Variants in ADAMTS12 observed in about 807,000 individuals in gnomAD.
ADAMTS12 encodes ADAM metallopeptidase with thrombospondin type 1 motif 12, also known as A disintegrin and metalloproteinase with thrombospondin motifs 12.
A neutral mutation model predicts 167.8 loss-of-function variants in ADAMTS12; 118 were observed. The observed-to-expected ratio is 0.70, with a 90% CI of 0.61 to 0.82. The LOEUF is 0.82. Ranked by LOEUF, ADAMTS12 falls within the 40% of genes least tolerant of loss-of-function variation. The probability of loss-of-function intolerance (pLI) is 0.00; values close to 1 mark genes in which losing one functional copy is unlikely to be tolerated. For missense variants in ADAMTS12, 1,916 were observed against 1,998.8 expected, an observed-to-expected ratio of 0.96 and a Z score of 0.79; for synonymous variants, 704 against 716.9, an observed-to-expected ratio of 0.98 and a Z score of 0.29.
intron 5 of ADAMTS12, among the ~76,000 whole-genome samples, chr5:33,674,724 G>A (rs962024343): frequency 1.3e-5 from 2 of 152,114 alleles, no homozygotes; most frequent in South Asian, 2.1e-4. Flanking sequence ...TATGCTGTGA[G>A]CAATAAAGTC....
rs202244278 is a variant in ADAMTS12, at chr5:33,534,807, C to T, written c.4606+26G>A. 1.1e-4 allele frequency: 175 copies of T among 1,594,194 alleles called. 2 individuals carry two copies. The East Asian group carries it at 2.9e-3, about 27-fold the overall frequency. On this transcript the variant is annotated intron_variant, in intron 23 of 23. Coordinates refer to ENST00000504830, the MANE Select transcript of ADAMTS12 (RefSeq NM_030955.4). ...ATGACATTTGTGCAAAGATCTCTTT[C>T]TCCCCGAGCAAACCCATTCACCCAC...
At chr5:33,736,774 T>C (rs933009129) in intron 3 of ADAMTS12, among the ~76,000 whole-genome samples, 11 of 152,194 alleles carry the variant, frequency 7.2e-5, no homozygotes, top group Admixed American at 4.6e-4. Context: ...AGAACCGGTC[T>C]CCATACTGTG....
intron 2 of ADAMTS12, among the ~76,000 whole-genome samples, chr5:33,865,669 A>G (rs1363571849): frequency 6.6e-6 from 1 of 152,152 alleles, no homozygotes; most frequent in Admixed American, 6.6e-5. Flanking sequence ...AGAAAGTCAA[A>G]CTATTGTTGT....
At chr5:33,698,708 C>T (rs936073848) in intron 3 of ADAMTS12, among the ~76,000 whole-genome samples, 14 of 152,230 alleles carry the variant, frequency 9.2e-5, no homozygotes, top group East Asian at 1.9e-4. Context: ...GAGACCCAGG[C>T]GGGCGGATCA....
At chr5:33,643,512 C>G (rs4866409) in intron 9 of ADAMTS12, 42 bp from the exon 10 acceptor site, 1 of 1,572,326 alleles carries the variant, frequency 6.4e-7, no homozygotes, top group Non-Finnish European at 8.8e-7. Context: ...TCAAAACCTG[C>G]CACAAAGCAT....
rs1349127793 is a variant in ADAMTS12 at position 33,525,087 on chromosome 5, T to C, written c.*2101A>G. 1.3e-5 allele frequency: 2 copies of C among 152,184 alleles called. No individual in the cohort carries two copies. The highest frequency in any genetic ancestry group is 4.8e-5 in the African/African-American group (2 of 41,444). The allele number at this position is 152,184 out of a possible 1,614,324, so 9.4% of individuals were successfully genotyped here. A position where few individuals can be genotyped will look rare whatever the true frequency, so the allele number is the denominator to read the frequency against. On this transcript the variant is annotated 3_prime_UTR_variant, in exon 24 of 24. Transcript: ENST00000504830. ...CTAGTACAGTACCAGGTTAAATCAA[T>C]CTAGCTTACTAAATGAATCCCCCTG...
intron 2 of ADAMTS12, among the ~76,000 whole-genome samples, chr5:33,856,950 C>G (rs1749422165): frequency 6.6e-6 from 1 of 152,196 alleles, no homozygotes; most frequent in Non-Finnish European, 1.5e-5. Flanking sequence ...GCTGCAATCT[C>G]ACGTTTATGG....
At chr5:33,830,462 G>A (rs1180285512) in intron 2 of ADAMTS12, among the ~76,000 whole-genome samples, 1 of 152,188 alleles carries the variant, frequency 6.6e-6, no homozygotes, top group Non-Finnish European at 1.5e-5. Context: ...CTGGGGACGA[G>A]AGGTCCTAAC....
intron 1 of ADAMTS12, among the ~76,000 whole-genome samples, chr5:33,889,454 G>A (rs1750765176): frequency 6.6e-6 from 1 of 152,136 alleles, no homozygotes; most frequent in African/African-American, 2.4e-5. Flanking sequence ...CATTTGGAGG[G>A]AAAAACCCAG....
intron 3 of ADAMTS12, among the ~76,000 whole-genome samples, chr5:33,736,033 G>T (rs1233840850): frequency 7.0e-6 from 1 of 142,002 alleles, no homozygotes; most frequent in African/African-American, 3.1e-5. Context: ...AAAGGCATCC[G>T]AACAACTGTA....
Position 33,745,031 on chromosome 5 carries a change from T to C in ADAMTS12, c.634+6373A>G, listed in dbSNP as rs534840419. On this transcript the variant is annotated intron_variant, in intron 3 of 23. Transcript: ENST00000504830. ...TGATGTCTTGCTATGTAGCCCAGGC[T>C]GGTCTTGAACTCCTGGGGTCAGGTG... Among the ~76,000 whole-genome samples the C allele has an allele frequency of 4.6e-5, 7 of 152,342 alleles. No homozygotes were observed. In the South Asian group the frequency reaches 1.5e-3, roughly 32 times the overall value.
rs1745727274 is a variant in ADAMTS12 at position 33,561,072 on chromosome 5, G to C, written c.4080C>G (p.Cys1360Trp). 4.3e-6 allele frequency: 7 copies of C among 1,614,164 alleles called. No homozygotes were observed. The highest frequency in any genetic ancestry group is 5.9e-6 in the Non-Finnish European group (7 of 1,180,020). The change falls in exon 20 of 24, where the codon TGC becomes TGG. Residue 1360 changes from cysteine (C) to tryptophan (W), a missense_variant. Physicochemically the swap from Cys to Trp is radical, Grantham distance 215 (BLOSUM62 -2). Transcript: ENST00000504830. ...TCCAGCCAGCACAGGGACGGAGGTG[G>C]CATCTTTTTGCAGGGTCAGGTCTCT... ...AIQRPDPAKR[C>W]HLRPCAGWKV...
At chr5:33,727,439 G>T (rs1744024492) in intron 3 of ADAMTS12, among the ~76,000 whole-genome samples, 2 of 152,220 alleles carry the variant, frequency 1.3e-5, no homozygotes, top group South Asian at 2.1e-4. Context: ...TTTGAAGTTA[G>T]AGCAAACCCA....
chr5:33,632,748 T>C (rs1397858350), intron 12 of ADAMTS12, among the ~76,000 whole-genome samples: 1 of 152,184 alleles, frequency 6.6e-6, no homozygotes, highest in Non-Finnish European at 1.5e-5. Context: ...TATTAAGACT[T>C]TGGTTTAAAC....
intron 2 of ADAMTS12, among the ~76,000 whole-genome samples, chr5:33,758,366 G>A (rs572301340): frequency 1.3e-5 from 2 of 152,118 alleles, no homozygotes; most frequent in Admixed American, 6.5e-5. Context: ...CTGAGCCATC[G>A]CTAGGCTGCA....
At position 33,615,921 on chromosome 5, in the gene ADAMTS12, A is replaced by G. The variant is rs1183910525; in HGVS notation, c.2295T>C (p.Tyr765=). The G allele has an allele frequency of 1.2e-6, 2 of 1,613,998 alleles. No homozygotes were observed. The highest frequency in any genetic ancestry group is 1.7e-6 in the Non-Finnish European group (2 of 1,180,004). Residue 765 remains tyrosine (Y), a synonymous_variant, in exon 15 of 24, where the codon TAT becomes TAC. Coordinates refer to ENST00000504830, the MANE Select transcript of ADAMTS12 (RefSeq NM_030955.4). The stretch of plus-strand genomic sequence containing the variant: ...ACTGAAAGACAGTCCCTGCCAGCTT[A>G]TAGTTCCCGTTCCACTGGATAATAA... The part of the protein sequence containing the change: ...GGFIIQWNGN[Y]KLAGTVFQYD...
chr5:33,731,442 T>C (rs1370284349), intron 3 of ADAMTS12, among the ~76,000 whole-genome samples: 1 of 152,188 alleles, frequency 6.6e-6, no homozygotes, highest in African/African-American at 2.4e-5. Flanking sequence ...ATCATGGCAA[T>C]CCTAAGCTTC....
intron 1 of ADAMTS12, among the ~76,000 whole-genome samples, chr5:33,882,017 T>C (rs751271837): frequency 1.3e-5 from 2 of 152,182 alleles, no homozygotes; most frequent in African/African-American, 4.8e-5. Context: ...TCAGGTGTTT[T>C]ACCAGAGACA....
intron 7 of ADAMTS12, among the ~76,000 whole-genome samples, chr5:33,656,512 A>G (rs114829301): frequency 0.01 from 1,598 of 152,334 alleles, 25 homozygotes; most frequent in African/African-American, 0.036. Flanking sequence ...TCTTGTTACA[A>G]GATCAGGTTG....
Sources: gnomAD v4.1 joint callset for allele counts (sites outside exome capture counted in the v4.1 genomes callset) on GRCh38, gnomAD v4.1.1 for gene constraint, MANE v1.5 for transcripts, NCBI Gene and HGNC (gene_info 2026-07-23, HGNC 2026-07-21) for gene names.